SPNS2: variants seen among roughly 807,000 people sequenced by gnomAD.
SPNS2 encodes sphingosine-1-phosphate transporter SPNS2.
SPNS2 carries 37 observed loss-of-function variants against 57.6 expected under a neutral mutation model. The ratio of observed to expected loss-of-function variants is 0.64; its 90% CI spans 0.49 to 0.85. The LOEUF (loss-of-function observed/expected upper bound fraction) is 0.85, where lower values mean the gene tolerates loss of function less well. SPNS2 is among the 40% of genes least tolerant of loss of function. SPNS2 has a pLI of 0.00. For missense variants in SPNS2, 831 were observed against 779.1 expected (o/e 1.07, Z -0.79); for synonymous variants, 440 against 346.9 (o/e 1.27, Z -2.98).
At chr17:4,536,017 CA>C in intron 9 of SPNS2, 58 bp from the exon 10 acceptor site, 1 of 1,490,370 alleles carries the variant, frequency 6.7e-7, no homozygotes. Flanking sequence ...GGCCCGGGGC[CA>C]GGGCCAAGCG....
intron 2 of SPNS2, among the ~76,000 whole-genome samples, chr17:4,523,273 A>G (rs1597365625): frequency 6.6e-6 from 1 of 152,088 alleles, no homozygotes; most frequent in South Asian, 2.1e-4. Flanking sequence ...CCCCGTCTCT[A>G]CTAACAATAC....
At chr17:4,535,954 C>T (rs1015583478) in intron 9 of SPNS2, 122 bp from the exon 10 acceptor site, 21 of 756,328 alleles carry the variant, frequency 2.8e-5, no homozygotes, top group Non-Finnish European at 4.1e-5. Flanking sequence ...AGAGAGGTGT[C>T]AAGACGTAGG....
In SPNS2 at chr17:4,513,252, C is replaced by T; in HGVS notation, c.376C>T (p.Leu126Phe). 6 of 1,613,950 alleles carry T rather than the reference C, an allele frequency of 3.7e-6. No homozygotes were observed. Among genetic ancestry groups the T allele is most frequent in the Non-Finnish European group, 5.1e-6 (6 of 1,179,820 alleles). Residue 126 changes from leucine to phenylalanine, a missense_variant, in exon 2 of 13, where the codon CTT becomes TTT. Leu to Phe is a conservative substitution (Grantham distance 22). Around this residue, in one of 2 missense-constraint regions of SPNS2, gnomAD observed 305 missense variants for 378.3 expected, o/e 0.81. Coordinates refer to ENST00000329078, the MANE Select transcript of SPNS2 (RefSeq NM_001124758.3). ...YLDRYTVAGV[L>F]LDIQQHFGVK... is the part of the protein sequence containing the mutation. ...ACCCTCTGTCTTCCCTCCAGGCGTC[C>T]TTCTGGACATCCAGCAGCACTTTGG...
At chr17:4,537,014 G>A (rs1905875668) in intron 12 of SPNS2, 68 bp downstream of exon 12, 15 of 1,559,934 alleles carry the variant, frequency 9.6e-6, no homozygotes, top group Non-Finnish European at 1.3e-5. Flanking sequence ...TAGGCAACAG[G>A]GAGCACTTTT....
At chr17:4,505,050 G>A (rs1904636871) in intron 1 of SPNS2, among the ~76,000 whole-genome samples, 1 of 152,206 alleles carries the variant, frequency 6.6e-6, no homozygotes, top group African/African-American at 2.4e-5. Flanking sequence ...TCTCAGCGGT[G>A]TCCTCTTTCC....
rs1904824629 is a variant in SPNS2, at chr17:4,511,341, TAGA to T, written c.371-1902_371-1900del. Among the ~76,000 whole-genome samples, 1 of 152,078 alleles carries T rather than the reference TAGA, an allele frequency of 6.6e-6. No homozygotes were observed. The highest frequency in any genetic ancestry group is 1.5e-5 in the Non-Finnish European group (1 of 68,014). On this transcript the variant is annotated intron_variant, in intron 1 of 12. Coordinates refer to ENST00000329078, the MANE Select transcript of SPNS2 (RefSeq NM_001124758.3). The surrounding 1 kb of genome is among the most constrained non-coding windows in gnomAD (Gnocchi z 4.6). Reference sequence around the variant, plus strand: ...CCTGGTTGACGGAGTTGTACCAGAATAGAAGAGGAAGTGTGCAGAGTCAGGGGG... The same window carrying T: ...CCTGGTTGACGGAGTTGTACCAGAATAGAGGAAGTGTGCAGAGTCAGGGGG...
rs772194236 is a variant in SPNS2 at position 4,533,141 on chromosome 17, C to T, written c.1088+12C>T. ...GGGGCCAAGGACAGGTGGGGCCCCG[C>T]GGGGTGGGCCCAGGGCTGGTGAGGG... On this transcript the variant is annotated intron_variant, in intron 7 of 12. Transcript: ENST00000329078. 9 of 1,601,424 alleles carry T rather than the reference C, an allele frequency of 5.6e-6. No homozygotes were observed. The highest frequency in any genetic ancestry group is 1.7e-4 in the Middle Eastern group (1 of 6,032).
At chr17:4,504,733 G>A (rs549421565) in intron 1 of SPNS2, among the ~76,000 whole-genome samples, 1 of 152,068 alleles carries the variant, frequency 6.6e-6, no homozygotes, top group Non-Finnish European at 1.5e-5. Context: ...TTCTGGGGCT[G>A]GGCTCCCTCT....
chr17:4,519,742 G>C (rs1905092483), intron 2 of SPNS2, among the ~76,000 whole-genome samples: 3 of 152,222 alleles, frequency 2.0e-5, no homozygotes, highest in Admixed American at 6.5e-5. Context: ...TGGTGGGCAG[G>C]GGAAGCTTCT....
At chr17:4,536,644 T>C (rs765424692) in intron 11 of SPNS2, 10 of 681,882 alleles carry the variant, frequency 1.5e-5, no homozygotes, top group Non-Finnish European at 2.0e-5. Context: ...AGACTTGGGT[T>C]TGTCTCTGGA....
At chr17:4,535,252 G>T (rs1333996522) in intron 9 of SPNS2, among the ~76,000 whole-genome samples, 2 of 152,108 alleles carry the variant, frequency 1.3e-5, no homozygotes, top group Non-Finnish European at 2.9e-5. Flanking sequence ...GGTCTGATGG[G>T]GGTCTGGGGC....
intron 1 of SPNS2, among the ~76,000 whole-genome samples, chr17:4,500,918 T>C (rs1840053581): frequency 6.6e-6 from 1 of 151,936 alleles, no homozygotes; most frequent in African/African-American, 2.4e-5. Flanking sequence ...GAAACTTACT[T>C]TGGTCTAGAG....
chr17:4,533,710 C>G (rs972109612), intron 8 of SPNS2, 78 bp from the exon 9 acceptor site: 1 of 1,512,502 alleles, frequency 6.6e-7, no homozygotes, highest in African/African-American at 1.4e-5. Context: ...CTGCCAGCAG[C>G]CAGTGTGTAG....
rs1483089463 is a variant in SPNS2 at position 4,538,736 on chromosome 17, G to A, written c.*1288G>A. 2 of 684,494 alleles carry A rather than the reference G, an allele frequency of 2.9e-6. No individual in the cohort carries two copies. Among genetic ancestry groups the A allele is most frequent in the Non-Finnish European group, 5.2e-6 (2 of 383,694 alleles). The allele number at this position is 684,494 out of a possible 1,614,324, so 42.4% of individuals were successfully genotyped here. On this transcript the variant is annotated 3_prime_UTR_variant, in exon 13 of 13. Transcript: ENST00000329078. ...TTACTGGCTGGCTGTGGCTTCAGTGGTGTGTAAGCAGGTGGAATACTCACC... is the reference window on the plus strand; with the variant it reads ...TTACTGGCTGGCTGTGGCTTCAGTGATGTGTAAGCAGGTGGAATACTCACC...
In SPNS2 at chr17:4,532,548, C is replaced by A. The variant is rs1046339048; in HGVS notation, c.799C>A (p.Pro267Thr). 1 of 1,614,174 alleles carries A rather than the reference C, an allele frequency of 6.2e-7. No homozygotes were observed. The highest frequency in any genetic ancestry group is 1.3e-5 in the African/African-American group (1 of 75,058). The change falls in exon 6 of 13, where the codon CCT (proline) becomes ACT (threonine). Residue 267 changes from proline (P) to threonine (T), a missense_variant. Pro to Thr is a conservative substitution (Grantham distance 38). Transcript: ENST00000329078. ...GDWHWALRVS[P>T]VLGMITGTLI... is the part of the protein sequence containing the mutation. ...ACTTCCTGCTCTCTGGCAGGTGTCC[C>A]CTGTCCTGGGCATGATCACAGGAAC...
In SPNS2 at chr17:4,527,488, A is replaced by G. The variant is rs1905288986; in HGVS notation, c.573+2295A>G. Among the ~76,000 whole-genome samples, 4 of 152,262 alleles carry G rather than the reference A, an allele frequency of 2.6e-5. No homozygotes were observed. In the South Asian group the frequency reaches 8.3e-4, roughly 31 times the overall value. ...AACCATCTTGCAGAATAAAGTCCCGATAGGGGAAAGTAAAGCAAAAAGCAA... is the reference window on the plus strand; with the variant it reads ...AACCATCTTGCAGAATAAAGTCCCGGTAGGGGAAAGTAAAGCAAAAAGCAA... On this transcript the variant is annotated intron_variant, in intron 3 of 12. Coordinates refer to ENST00000329078, the MANE Select transcript of SPNS2 (RefSeq NM_001124758.3).
At chr17:4,524,940 G>A in intron 2 of SPNS2, 117 bp from the exon 3 acceptor site, 1 of 1,454,114 alleles carries the variant, frequency 6.9e-7, no homozygotes, top group Non-Finnish European at 9.3e-7. Context: ...TTCCTCTCTG[G>A]GCTGCTTCCT....
At chr17:4,521,668 T>C (rs1177764214) in intron 2 of SPNS2, among the ~76,000 whole-genome samples, 1 of 152,260 alleles carries the variant, frequency 6.6e-6, no homozygotes, top group African/African-American at 2.4e-5. Context: ...CTAAATGATA[T>C]CGGCTTACAA....
chr17:4,511,431 G>A lies in SPNS2; in HGVS notation c.371-1816G>A, dbSNP rs1049741362. 1.1e-4 allele frequency among the ~76,000 whole-genome samples: 16 copies of A among 152,340 alleles called. No homozygotes were observed. The highest frequency in any genetic ancestry group is 7.2e-4 in the Admixed American group (11 of 15,302). ...GTCCTGAGAAGTGAGGCCGGAGGGC[G>A]GGGCTGGCAGGGCCACACCTTCACC... On this transcript the variant is annotated intron_variant, in intron 1 of 12. Transcript: ENST00000329078. The surrounding 1 kb of genome is among the most constrained non-coding windows in gnomAD (Gnocchi z 4.6).
Sources: allele counts gnomAD v4.1 joint callset (sites outside exome capture counted in the v4.1 genomes callset), GRCh38; gene constraint gnomAD v4.1.1; regional missense constraint gnomAD v4.1.1; non-coding constraint Gnocchi (gnomAD v3.1); transcripts MANE v1.5; gene names NCBI Gene and HGNC (gene_info 2026-07-23, HGNC 2026-07-21).